The following GEMIN5 variants were observed in gnomAD, a reference collection of about 807,000 sequenced individuals.
The protein encoded by GEMIN5 is gem nuclear organelle associated protein 5, also known as gem-associated protein 5.
A neutral mutation model predicts 176.9 loss-of-function variants in GEMIN5; 124 were observed. That is an observed-to-expected ratio of 0.70 (90% confidence interval 0.61 to 0.81). GEMIN5 has a LOEUF of 0.81. Ranked by LOEUF, GEMIN5 falls within the 40% of genes least tolerant of loss-of-function variation. GEMIN5 has a pLI of 0.00. For missense variants in GEMIN5, 1,843 were observed against 1,814.6 expected (o/e 1.02, Z -0.28); for synonymous variants, 673 against 665.2 (o/e 1.01, Z -0.18).
Position 154,938,122 on chromosome 5 carries a change from C to A in GEMIN5, c.12G>T (p.Glu4Asp), listed in dbSNP as rs535567224. The change falls in exon 1 of 28, where the codon GAG becomes GAT. Residue 4 changes from glutamate (E) to aspartate (D), a missense_variant. Physicochemically the swap from Glu to Asp is conservative, Grantham distance 45. Coordinates refer to ENST00000285873, the MANE Select transcript of GEMIN5 (RefSeq NM_015465.5). ...TGGGGGAGGGCGGCAGCGTCCGCGGCTCCTGCCCCATAACTACAAGCCGTC... is the reference window on the plus strand; with the variant it reads ...TGGGGGAGGGCGGCAGCGTCCGCGGATCCTGCCCCATAACTACAAGCCGTC... MGQ[E>D]PRTLPPSPNW... 580 of 1,394,014 alleles carry A rather than the reference C, an allele frequency of 4.2e-4. 4 individuals are homozygous for A. The South Asian group carries it at 9.3e-3, about 22-fold the overall frequency. The allele number at this position is 1,394,014 out of a possible 1,614,324, so 86.4% of individuals were successfully genotyped here. A position where few individuals can be genotyped will look rare whatever the true frequency, so the allele number is the denominator to read the frequency against.
chr5:154,931,952 G>T (rs1268385129), intron 4 of GEMIN5, 147 bp downstream of exon 4: 3 of 653,702 alleles, frequency 4.6e-6, no homozygotes, highest in Non-Finnish European at 7.7e-6. Context: ...GGCGGAGGTT[G>T]CGGTGAGCCG....
chr5:154,906,974 C>T (rs1031523885), intron 16 of GEMIN5, among the ~76,000 whole-genome samples: 1 of 152,172 alleles, frequency 6.6e-6, no homozygotes, highest in South Asian at 2.1e-4. Flanking sequence ...CTCAACAGGT[C>T]CCGAGTAAAT....
rs1272720394 is a variant in GEMIN5 at position 154,932,232 on chromosome 5, C to A, written c.528G>T (p.Val176=). The A allele has an allele frequency of 6.2e-7, 1 of 1,608,302 alleles. No homozygotes were observed. Among genetic ancestry groups the A allele is most frequent in the Non-Finnish European group, 8.5e-7 (1 of 1,175,934 alleles). Reference sequence around the variant, plus strand: ...CTTTCTTACTGATGTCAATTATCACCACTATGCCATCCTTGTAGCTAAAAA... The same window carrying A: ...CTTTCTTACTGATGTCAATTATCACAACTATGCCATCCTTGTAGCTAAAAA... ...LVAIGYKDGI[V]VIIDISKKGE... The change falls in exon 4 of 28, where the codon GTG becomes GTT. Residue 176 remains valine, a synonymous_variant. Transcript: ENST00000285873.
At chr5:154,903,318 A>G (rs1763502721) in intron 18 of GEMIN5, 143 bp from the exon 19 acceptor site, 1 of 608,356 alleles carries the variant, frequency 1.6e-6, no homozygotes, top group Non-Finnish European at 2.9e-6. Flanking sequence ...TCCTGCAGTT[A>G]CAAAGGGAGC....
At chr5:154,892,649 A>G in intron 24 of GEMIN5, 100 bp from the exon 25 acceptor site, 1 of 1,109,988 alleles carries the variant, frequency 9.0e-7, no homozygotes, top group Non-Finnish European at 1.3e-6. Context: ...AAACAAGTAC[A>G]CACAATTCAC....
Position 154,927,367 on chromosome 5 carries a change from G to C in GEMIN5, c.1080+18C>G. 1 of 1,532,208 alleles carries C rather than the reference G, an allele frequency of 6.5e-7. No homozygotes were observed. Among genetic ancestry groups the C allele is most frequent in the Admixed American group, 1.7e-5 (1 of 59,430 alleles). The allele number at this position is 1,532,208 out of a possible 1,614,324, so 94.9% of individuals were successfully genotyped here. On this transcript the variant is annotated intron_variant, in intron 7 of 27. Transcript: ENST00000285873. ...AAACTGCTGCTCTACAATGCTGAGT[G>C]AAAATAAGCATTCTTACATCTCTAT... is the stretch of plus-strand genomic sequence containing the variant.
intron 16 of GEMIN5, 113 bp from the exon 17 acceptor site, chr5:154,905,589 C>A: frequency 2.2e-6 from 1 of 463,618 alleles, no homozygotes; most frequent in Non-Finnish European, 3.9e-6. Flanking sequence ...ATCAATTCAT[C>A]TATTACCAAA....
chr5:154,938,167 A>C lies in GEMIN5; in HGVS notation c.-34T>G, dbSNP rs1764312853. The C allele has an allele frequency of 7.5e-7, 1 of 1,339,046 alleles. No homozygotes were observed. The highest frequency in any genetic ancestry group is 2.1e-5 in the South Asian group (1 of 48,172). 82.9% of individuals were successfully genotyped at this position (1,339,046 alleles called of 1,614,324 possible). ...GCCGTCAGAGACAAGAGAAGCTGCC[A>C]CAGCCGACCGCTCGTAGCCTCACGC... is the stretch of plus-strand genomic sequence containing the variant. On this transcript the variant is annotated 5_prime_UTR_variant, in exon 1 of 28. Coordinates refer to ENST00000285873, the MANE Select transcript of GEMIN5 (RefSeq NM_015465.5).
chr5:154,919,576 T>C (rs1439201891), intron 11 of GEMIN5, among the ~76,000 whole-genome samples: 1 of 152,224 alleles, frequency 6.6e-6, no homozygotes, highest in East Asian at 1.9e-4. Context: ...TGCAGTTGCA[T>C]TTGGATACTA....
intron 3 of GEMIN5, 120 bp downstream of exon 3, chr5:154,935,721 G>C (rs1764253287): frequency 3.0e-6 from 2 of 666,786 alleles, no homozygotes; most frequent in Admixed American, 2.7e-5. Flanking sequence ...GGCTCAGGGG[G>C]AGTGGTTAAC....
Position 154,935,878 on chromosome 5 carries a change from T to A in GEMIN5, c.472A>T (p.Thr158Ser), listed in dbSNP as rs933113474. ...FIEPRTIFCL[T>S]CSPHHEDLVA... is the part of the protein sequence containing the mutation. The stretch of plus-strand genomic sequence containing the variant: ...AAATCTTCATGATGAGGTGAACAAG[T>A]AAGACAGAAAATTGTCCTGGGTTCT... The change falls in exon 3 of 28, where the codon ACT becomes TCT. Residue 158 changes from threonine to serine, a missense_variant. By Grantham distance (58) the Thr-to-Ser change is moderately conservative. Coordinates refer to ENST00000285873, the MANE Select transcript of GEMIN5 (RefSeq NM_015465.5). 5 of 1,613,666 alleles carry A rather than the reference T, an allele frequency of 3.1e-6. No individual in the cohort carries two copies. In the African/African-American group the frequency reaches 4.0e-5, roughly 13 times the overall value.
At chr5:154,899,383 G>T (rs950301493) in intron 21 of GEMIN5, 73 bp from the exon 22 acceptor site, 90 of 1,281,656 alleles carry the variant, frequency 7.0e-5, no homozygotes, top group Non-Finnish European at 8.9e-5. Flanking sequence ...GGGGCTGTAA[G>T]ACAGGACAAA....
At chr5:154,895,996 T>G in intron 24 of GEMIN5, 96 bp downstream of exon 24, 3 of 1,412,204 alleles carry the variant, frequency 2.1e-6, no homozygotes, top group Non-Finnish European at 2.9e-6. Flanking sequence ...TGAAACACAG[T>G]CCAGTATTCT....
In GEMIN5 at chr5:154,904,562, G is replaced by A. The variant is rs1336881698; in HGVS notation, c.2577C>T (p.Ser859=). The A allele has an allele frequency of 6.2e-7, 1 of 1,612,408 alleles. No individual in the cohort carries two copies. Among genetic ancestry groups the A allele is most frequent in the Admixed American group, 1.7e-5 (1 of 59,992 alleles). The part of the protein sequence containing the change: ...LPLSTSLDHR[S]KEELHQDCLV... ...AACAGTCCTGATGAAGCTCCTCTTT[G>A]GATCTGTGGTCCAGGCTTGTACTCA... Residue 859 remains serine (S), a synonymous_variant, in exon 18 of 28, where the codon TCC becomes TCT. Transcript: ENST00000285873.
chr5:154,937,869 G>T (rs931320814), intron 1 of GEMIN5, 99 bp downstream of exon 1: 3 of 1,112,886 alleles, frequency 2.7e-6, no homozygotes, highest in Non-Finnish European at 3.6e-6. Flanking sequence ...CTGGGCCTCA[G>T]TTTCCCTAGC....
chr5:154,921,681 AC>A (rs869158435), intron 9 of GEMIN5, among the ~76,000 whole-genome samples: 18 of 152,050 alleles, frequency 1.2e-4, no homozygotes, highest in African/African-American at 4.3e-4. Flanking sequence ...AACATATTTT[AC>A]CCCCCAAAAA....
intron 2 of GEMIN5, among the ~76,000 whole-genome samples, chr5:154,936,258 C>T (rs1272610976): frequency 6.6e-6 from 1 of 151,850 alleles, no homozygotes; most frequent in Non-Finnish European, 1.5e-5. Flanking sequence ...CTGCTAAAAA[C>T]ATAAAAAAAT....
At chr5:154,924,344 A>T in intron 9 of GEMIN5, 125 bp downstream of exon 9, 4 of 671,048 alleles carry the variant, frequency 6.0e-6, no homozygotes, top group Middle Eastern at 2.6e-4. Flanking sequence ...CAAACAACTG[A>T]TTTGTGGTCT....
At chr5:154,922,798 G>A (rs1455459975) in intron 9 of GEMIN5, among the ~76,000 whole-genome samples, 1 of 41,464 alleles carries the variant, frequency 2.4e-5, no homozygotes, top group African/African-American at 5.0e-5. Context: ...CTGGGTTCAA[G>A]CAATTCTCCT....
Sources: allele counts gnomAD v4.1 joint callset (sites outside exome capture counted in the v4.1 genomes callset), GRCh38; gene constraint gnomAD v4.1.1; transcripts MANE v1.5; gene names NCBI Gene and HGNC (gene_info 2026-07-23, HGNC 2026-07-21).